The following PTPRT variants were observed in gnomAD, a reference collection of about 807,000 sequenced individuals.
PTPRT encodes the protein protein tyrosine phosphatase receptor type T, also known as receptor-type tyrosine-protein phosphatase T.
A neutral mutation model predicts 176.8 loss-of-function variants in PTPRT; 56 were observed. The observed-to-expected ratio is 0.32, with a 90% CI of 0.26 to 0.40. The LOEUF (loss-of-function observed/expected upper bound fraction) is 0.40, where lower values mean the gene tolerates loss of function less well. PTPRT is among the 10% of genes least tolerant of loss of function. The pLI, the probability that PTPRT is intolerant of heterozygous loss-of-function variation, is 1.00. For synonymous variants in PTPRT, 783 were observed against 739.0 expected (o/e 1.06, Z -0.96); for missense variants, 1,540 against 1,908.2 (o/e 0.81, Z 3.60).
chr20:42,951,179 G>C (rs942581000), intron 1 of PTPRT, among the ~76,000 whole-genome samples: 1 of 152,050 alleles, frequency 6.6e-6, no homozygotes, highest in Non-Finnish European at 1.5e-5. Context: ...TAGATGGATG[G>C]GTAAACAGGA....
chr20:42,350,872 G>A (rs866356376), intron 10 of PTPRT, 142 bp from the exon 11 acceptor site: 4 of 638,974 alleles, frequency 6.3e-6, no homozygotes, highest in African/African-American at 1.8e-5. Flanking sequence ...AGCCTTCCAG[G>A]CCTTCAGTAA....
At chr20:42,121,022 T>C (rs1295582016) in intron 19 of PTPRT, among the ~76,000 whole-genome samples, 1 of 151,674 alleles carries the variant, frequency 6.6e-6, no homozygotes, top group Non-Finnish European at 1.5e-5. Context: ...GACCAGTCTT[T>C]TTGCCCTGTT....
intron 7 of PTPRT, among the ~76,000 whole-genome samples, chr20:42,603,645 T>C (rs1045229042): frequency 1.3e-5 from 2 of 152,216 alleles, no homozygotes; most frequent in Non-Finnish European, 2.9e-5. Context: ...GTGATTTATG[T>C]TTTCAGAAGC....
chr20:42,566,266 G>A (rs1043259590), intron 7 of PTPRT, among the ~76,000 whole-genome samples: 4 of 139,954 alleles, frequency 2.9e-5, no homozygotes, highest in African/African-American at 5.8e-5. Flanking sequence ...CTCCCAAGTA[G>A]CTGGGATTAC....
intron 12 of PTPRT, among the ~76,000 whole-genome samples, chr20:42,295,316 A>G (rs2057372046): frequency 2.6e-5 from 4 of 152,240 alleles, no homozygotes; most frequent in Admixed American, 2.6e-4. Flanking sequence ...AGCATTTTCC[A>G]AAAGCTCAGA....
At chr20:42,978,552 C>T (rs6072918) in intron 1 of PTPRT, among the ~76,000 whole-genome samples, 17,102 of 152,170 alleles carry the variant, frequency 0.11, 2,707 homozygotes, top group African/African-American at 0.36. Flanking sequence ...CCATCTTGAG[C>T]AGTGGCTGGG....
chr20:42,104,478 T>G, intron 25 of PTPRT, 91 bp downstream of exon 25: 2 of 1,379,196 alleles, frequency 1.5e-6, no homozygotes, highest in Non-Finnish European at 2.0e-6. Flanking sequence ...AATGAATAAG[T>G]GTCTGTCATT....
chr20:42,757,284 A>G lies in PTPRT; in HGVS notation c.685-648T>C, dbSNP rs1368925763. 2.0e-5 allele frequency among the ~76,000 whole-genome samples: 3 copies of G among 152,274 alleles called. No homozygotes were observed. The East Asian group carries it at 5.8e-4, about 29-fold the overall frequency. On this transcript the variant is annotated intron_variant, in intron 5 of 30. Coordinates refer to ENST00000373187, the MANE Select transcript of PTPRT (RefSeq NM_007050.6). The stretch of plus-strand genomic sequence containing the variant: ...CCTTTTTCCCTTAAGCAGAACTCAT[A>G]GCATTCTTTCAGACAAACTTCAGCA...
chr20:42,062,545 A>G, the PTPRT span, among the ~76,000 whole-genome samples: 94 of 152,328 alleles, frequency 6.2e-4, 1 homozygote, highest in East Asian at 0.015. Flanking sequence ...CCATAATGAC[A>G]GTATTCCCAA....
intron 2 of PTPRT, among the ~76,000 whole-genome samples, chr20:42,852,181 A>T (rs982064822): frequency 3.3e-4 from 51 of 152,270 alleles, no homozygotes; most frequent in African/African-American, 1.0e-3. Context: ...AAACTTTACA[A>T]TCATTTTTGT....
At chr20:42,633,466 T>C (rs1210159383) in intron 7 of PTPRT, among the ~76,000 whole-genome samples, 2 of 151,948 alleles carry the variant, frequency 1.3e-5, no homozygotes, top group East Asian at 2.0e-4. Flanking sequence ...TAACACTTCG[T>C]TGTAAGTTGA....
At chr20:42,428,488 T>C (rs79418668) in intron 9 of PTPRT, among the ~76,000 whole-genome samples, 2,020 of 152,334 alleles carry the variant, frequency 0.013, 30 homozygotes, top group Admixed American at 0.034. Context: ...TGGGAAACTT[T>C]TTTCCAGTAA....
intron 16 of PTPRT, among the ~76,000 whole-genome samples, chr20:42,169,711 T>C (rs1210396762): frequency 2.1e-5 from 3 of 144,216 alleles, no homozygotes; most frequent in Non-Finnish European, 4.5e-5. Context: ...AGGAAAGTGA[T>C]AGCCTGGATA....
intron 1 of PTPRT, among the ~76,000 whole-genome samples, chr20:43,182,533 G>T (rs1012403866): frequency 1.1e-4 from 17 of 152,028 alleles, no homozygotes; most frequent in African/African-American, 3.9e-4. Context: ...TGGGATTACA[G>T]GCACATGCTA....
Position 42,363,616 on chromosome 20 carries a change from A to G in PTPRT, c.1561-11331T>C, listed in dbSNP as rs74167774. Among the ~76,000 whole-genome samples, 237 of 152,026 alleles carry G rather than the reference A, an allele frequency of 1.6e-3. 1 individual carries two copies. The highest frequency in any genetic ancestry group is 2.5e-3 in the Non-Finnish European group (172 of 68,000). ...TGAGTCACCGTGCCCGGCCTATTACAATAATATTAACAACACGAGAGGACA... is the reference window on the plus strand; with the variant it reads ...TGAGTCACCGTGCCCGGCCTATTACGATAATATTAACAACACGAGAGGACA... On this transcript the variant is annotated intron_variant, in intron 9 of 30. Transcript: ENST00000373187.
intron 1 of PTPRT, among the ~76,000 whole-genome samples, chr20:42,950,259 G>A (rs1206993556): frequency 6.6e-6 from 1 of 152,120 alleles, no homozygotes; most frequent in Non-Finnish European, 1.5e-5. Flanking sequence ...TATAAAATTG[G>A]TGGTTTCTAT....
At chr20:42,785,458 G>C (rs904487182) in intron 3 of PTPRT, among the ~76,000 whole-genome samples, 1 of 152,182 alleles carries the variant, frequency 6.6e-6, no homozygotes, top group African/African-American at 2.4e-5. Flanking sequence ...CATTTTGCTA[G>C]TGTCATTGGA....
chr20:42,480,565 T>A (rs530053998), intron 7 of PTPRT, among the ~76,000 whole-genome samples: 1 of 152,304 alleles, frequency 6.6e-6, no homozygotes, highest in Admixed American at 6.5e-5. Context: ...TGTAGGTGAA[T>A]GGGACACTTG....
chr20:42,183,594 T>A (rs909630225), intron 16 of PTPRT, among the ~76,000 whole-genome samples: 1 of 152,224 alleles, frequency 6.6e-6, no homozygotes, highest in Admixed American at 6.5e-5. Context: ...TTATTGACTA[T>A]ATTAGCCAAG....
Sources: allele counts gnomAD v4.1 joint callset (sites outside exome capture counted in the v4.1 genomes callset), GRCh38; gene constraint gnomAD v4.1.1; transcripts MANE v1.5; gene names NCBI Gene and HGNC (gene_info 2026-07-23, HGNC 2026-07-21).